The following ZC3H12B variants were observed in gnomAD, a reference collection of about 807,000 sequenced individuals.
The protein encoded by ZC3H12B is probable ribonuclease ZC3H12B.
In ZC3H12B, 7 loss-of-function variants were observed where a neutral mutation model predicts 43.9. The ratio of observed to expected loss-of-function variants is 0.16; its 90% CI spans 0.09 to 0.30. ZC3H12B has a LOEUF of 0.30. ZC3H12B is among the 10% of genes least tolerant of loss of function. The pLI, the probability that ZC3H12B is intolerant of heterozygous loss-of-function variation, is 1.00. For synonymous variants in ZC3H12B, 222 were observed against 241.7 expected (o/e 0.92, Z 0.76); for missense variants, 475 against 670.2 (o/e 0.71, Z 3.22).
At chrX:65,165,288 G>T in the ZC3H12B span, among the ~76,000 whole-genome samples, 1 of 111,741 alleles carries the variant, frequency 8.9e-6, no homozygotes, top group Non-Finnish European at 1.9e-5. Flanking sequence ...TTTACTTTAA[G>T]TTCTCAGATA....
intron 3 of ZC3H12B, among the ~76,000 whole-genome samples, chrX:65,415,203 A>C (rs776031610): frequency 2.7e-5 from 3 of 112,537 alleles, no homozygotes; most frequent in Non-Finnish European, 5.6e-5. Flanking sequence ...GTCTAGGTGA[A>C]GATAAGGGAT....
chrX:65,169,367 G>A, the ZC3H12B span, among the ~76,000 whole-genome samples: 3 of 111,930 alleles, frequency 2.7e-5, no homozygotes, highest in Non-Finnish European at 5.6e-5. Context: ...TTAATCCTGA[G>A]TTCTAGTTTG....
chrX:65,110,885 A>G, the ZC3H12B span, among the ~76,000 whole-genome samples: 1 of 110,824 alleles, frequency 9.0e-6, no homozygotes, highest in East Asian at 2.8e-4. Context: ...ATCTATTTAG[A>G]TCTCCCCTAA....
At chrX:65,401,013 G>C (rs1372260428) in intron 3 of ZC3H12B, among the ~76,000 whole-genome samples, 1 of 108,526 alleles carries the variant, frequency 9.2e-6, no homozygotes, top group Non-Finnish European at 1.9e-5. Flanking sequence ...AGAGGACCAA[G>C]ATGGCAGAAT....
At chrX:65,340,333 G>A in the ZC3H12B span, among the ~76,000 whole-genome samples, 3 of 111,906 alleles carry the variant, frequency 2.7e-5, no homozygotes, top group Non-Finnish European at 5.6e-5. Flanking sequence ...GCACCTGATG[G>A]CACCCTGCCA....
the ZC3H12B span, among the ~76,000 whole-genome samples, chrX:65,193,425 A>T: frequency 2.7e-5 from 3 of 111,848 alleles, no homozygotes; most frequent in South Asian, 1.1e-3. Flanking sequence ...TTATTGGCAC[A>T]TAGTTGCTCA....
intron 2 of ZC3H12B, among the ~76,000 whole-genome samples, chrX:65,395,511 A>G (rs1488774326): frequency 8.9e-6 from 1 of 112,422 alleles, no homozygotes; most frequent in Non-Finnish European, 1.9e-5. Context: ...GAGTACATTT[A>G]TTGATTTGCA....
At chrX:65,460,154 A>G (rs1176288172) in intron 3 of ZC3H12B, among the ~76,000 whole-genome samples, 1 of 111,859 alleles carries the variant, frequency 8.9e-6, no homozygotes, top group Admixed American at 9.5e-5. Context: ...CTTACATGGG[A>G]TGTGAAGGAC....
the ZC3H12B span, among the ~76,000 whole-genome samples, chrX:65,234,786 C>A: frequency 1.8e-5 from 2 of 111,914 alleles, no homozygotes; most frequent in Admixed American, 1.9e-4. Flanking sequence ...CACAGATCAA[C>A]CCATCATCTT....
intron 3 of ZC3H12B, among the ~76,000 whole-genome samples, chrX:65,424,072 T>A (rs1288318171): frequency 8.9e-6 from 1 of 111,994 alleles, no homozygotes; most frequent in East Asian, 2.8e-4. Context: ...ATTGTATTTA[T>A]TGATTTGCAT....
At chrX:65,080,131 A>T in the ZC3H12B span, among the ~76,000 whole-genome samples, 5 of 106,904 alleles carry the variant, frequency 4.7e-5, no homozygotes, top group Non-Finnish European at 7.7e-5. Context: ...GACCAAGCAG[A>T]AGAAAGAGTA....
the ZC3H12B span, among the ~76,000 whole-genome samples, chrX:65,191,441 G>T: frequency 4.0e-5 from 4 of 99,763 alleles, no homozygotes; most frequent in South Asian, 1.8e-3. Flanking sequence ...GACTCTTTTT[G>T]GTTGGTAAAC....
At chrX:65,306,172 T>A in the ZC3H12B span, among the ~76,000 whole-genome samples, 1 of 112,081 alleles carries the variant, frequency 8.9e-6, no homozygotes, top group East Asian at 2.8e-4. Context: ...AATCCGTCAA[T>A]AGAAATGAAC....
chrX:65,450,210 C>T (rs2067453509), intron 3 of ZC3H12B, among the ~76,000 whole-genome samples: 1 of 102,165 alleles, frequency 9.8e-6, no homozygotes, highest in South Asian at 4.4e-4. Context: ...GAGGCTGAGG[C>T]AGGAGAATTA....
the ZC3H12B span, among the ~76,000 whole-genome samples, chrX:65,118,032 C>G: frequency 9.0e-6 from 1 of 111,592 alleles, no homozygotes; most frequent in Non-Finnish European, 1.9e-5. Flanking sequence ...TTAGGATTGT[C>G]TTGGCAATGT....
intron 3 of ZC3H12B, among the ~76,000 whole-genome samples, chrX:65,406,896 C>T (rs1347711140): frequency 2.7e-5 from 3 of 112,460 alleles, no homozygotes; most frequent in Non-Finnish European, 5.6e-5. Context: ...GGCCGCACCG[C>T]TGTGACTACT....
chrX:65,391,674 A>T (rs1390182547), intron 2 of ZC3H12B, among the ~76,000 whole-genome samples: 1 of 111,177 alleles, frequency 9.0e-6, no homozygotes, highest in African/African-American at 3.3e-5. Context: ...TCCTGCAGTG[A>T]TGATCCTTTC....
the ZC3H12B span, among the ~76,000 whole-genome samples, chrX:65,108,046 A>G: frequency 5.4e-5 from 6 of 111,198 alleles, no homozygotes; most frequent in Non-Finnish European, 1.1e-4. Context: ...AATATGGTAT[A>G]AAAGATTAAA....
At chrX:65,165,154 GAAAT>G in the ZC3H12B span, among the ~76,000 whole-genome samples, 4 of 111,787 alleles carry the variant, frequency 3.6e-5, no homozygotes, top group South Asian at 1.1e-3. Flanking sequence ...CCAAACTCCT[GAAAT>G]AAATACTGTT....
Sources: gnomAD v4.1 joint callset for allele counts (sites outside exome capture counted in the v4.1 genomes callset) on GRCh38, gnomAD v4.1.1 for gene constraint, MANE v1.5 for transcripts, NCBI Gene and HGNC (gene_info 2026-07-23, HGNC 2026-07-21) for gene names.